The following TENM2 variants were observed in gnomAD, a reference collection of about 807,000 sequenced individuals.
TENM2 encodes the protein teneurin-2.
A neutral mutation model predicts 245.2 loss-of-function variants in TENM2; 52 were observed. That is an observed-to-expected ratio of 0.21 (90% CI 0.17 to 0.27). The LOEUF is 0.27. Among genes scored for constraint, TENM2 ranks in the 10% least tolerant of loss-of-function variants. The probability of loss-of-function intolerance (pLI) is 1.00; values close to 1 mark genes in which losing one functional copy is unlikely to be tolerated. For synonymous variants in TENM2, 1,363 were observed against 1,438.9 expected, an observed-to-expected ratio of 0.95 and a Z score of 1.19; for missense variants, 3,046 against 3,666.8, an observed-to-expected ratio of 0.83 and a Z score of 4.37.
At chr5:167,288,430 G>A (rs991354081) in intron 1 of TENM2, among the ~76,000 whole-genome samples, 1 of 151,934 alleles carries the variant, frequency 6.6e-6, no homozygotes, top group Non-Finnish European at 1.5e-5. Context: ...GCGGTGGCGG[G>A]CGCCTGTAGT....
chr5:168,165,652 C>G lies in TENM2; in HGVS notation c.2569+2895C>G. Among the ~76,000 whole-genome samples, 4 of 23,444 alleles carry G rather than the reference C, an allele frequency of 1.7e-4. 1 individual carries two copies. Among genetic ancestry groups the G allele is most frequent in the Non-Finnish European group, 4.2e-4 (4 of 9,522 alleles). 15.4% of individuals were successfully genotyped at this position (23,444 alleles called of 152,430 possible). ...CAATTCAGGATCCCCCCCCCAACCC[C>G]CCCCCCCCCCCCGGCTGGCAGAGAC... On this transcript the variant is annotated intron_variant, in intron 13 of 28. Transcript: ENST00000518659.
the TENM2 span, among the ~76,000 whole-genome samples, chr5:167,011,657 A>G: frequency 2.0e-5 from 3 of 152,142 alleles, no homozygotes; most frequent in Admixed American, 6.5e-5. Flanking sequence ...GTTTGGGAGT[A>G]CCCCTTGTCC....
chr5:167,043,299 A>G, the TENM2 span, among the ~76,000 whole-genome samples: 343 of 152,338 alleles, frequency 2.3e-3, 2 homozygotes, highest in Admixed American at 5.3e-3. Context: ...AGACTTGTAT[A>G]AAGATAAAAT....
chr5:167,542,587 T>C (rs947401198), intron 2 of TENM2, among the ~76,000 whole-genome samples: 1 of 152,170 alleles, frequency 6.6e-6, no homozygotes, highest in Non-Finnish European at 1.5e-5. Context: ...CCCTGGGTCA[T>C]TGCCAAATAT....
rs10667494 is a variant in TENM2 at position 167,831,485 on chromosome 5, CTTTT to C, written c.503-44483_503-44480del. 7.1e-4 allele frequency among the ~76,000 whole-genome samples: 91 copies of C among 127,764 alleles called. 1 individual carries two copies. In the East Asian group the frequency reaches 0.017, roughly 23 times the overall value. The allele number at this position is 127,764 out of a possible 152,430, so 83.8% of individuals were successfully genotyped here. A position where few individuals can be genotyped will look rare whatever the true frequency, so the allele number is the denominator to read the frequency against. ...AAATCAGCTGCAAAAGAGTTCAGCA[CTTTT>C]TTTTTTTTTTTTTTTTTAAGAATAC... On this transcript the variant is annotated intron_variant, in intron 2 of 28. Transcript: ENST00000518659.
At chr5:167,745,178 G>T (rs1164157264) in intron 2 of TENM2, among the ~76,000 whole-genome samples, 2 of 152,226 alleles carry the variant, frequency 1.3e-5, no homozygotes, top group African/African-American at 4.8e-5. Context: ...GGAATGTGAA[G>T]TACCAAAATT....
intron 13 of TENM2, among the ~76,000 whole-genome samples, chr5:168,184,768 A>G (rs1316946724): frequency 1.3e-5 from 2 of 152,154 alleles, no homozygotes; most frequent in Non-Finnish European, 2.9e-5. Context: ...CTTCCTCCTG[A>G]GTGTAGCTTT....
At position 168,218,245 on chromosome 5, in the gene TENM2, C is replaced by A; in HGVS notation, c.4354C>A (p.Arg1452Ser). The change falls in exon 23 of 29, where the codon CGC becomes AGC. Residue 1452 changes from arginine (R) to serine (S), a missense_variant. Physicochemically the swap from Arg to Ser is moderately radical, Grantham distance 110. This residue lies in a region of TENM2 where 2,704 missense variants were observed against 3,331.9 expected (regional missense o/e 0.81). Coordinates refer to ENST00000518659, the Ensembl canonical transcript of TENM2. This position sits in a 1 kb window ranked among gnomAD's most constrained non-coding sequence, Gnocchi z 5.2. ...CCACCAAGTCAGCATCATTGCGGGA[C>A]GCCCCATGCACTGCCAAGTTCCTGG... The A allele has an allele frequency of 6.2e-7, 1 of 1,613,836 alleles. No homozygotes were observed. The highest frequency in any genetic ancestry group is 8.5e-7 in the Non-Finnish European group (1 of 1,179,864).
the TENM2 span, among the ~76,000 whole-genome samples, chr5:167,239,389 C>G: frequency 6.6e-6 from 1 of 152,224 alleles, no homozygotes; most frequent in African/African-American, 2.4e-5. Flanking sequence ...GCTGTTCTTT[C>G]TATCAAGAAC....
In TENM2 at chr5:168,244,776, C is replaced by A; in HGVS notation, c.5817+60C>A. On this transcript the variant is annotated intron_variant, in intron 26 of 28. Coordinates refer to ENST00000518659, the Ensembl canonical transcript of TENM2. This position sits in a 1 kb window ranked among gnomAD's most constrained non-coding sequence, Gnocchi z 4.9. ...TCTGTTATTTCTGTTATTCCGGCTT[C>A]TTTTTTTTTTTGAGACAGAGACTTG... is the stretch of plus-strand genomic sequence containing the variant. 9.2e-7 allele frequency: 1 copy of A among 1,082,538 alleles called. No homozygotes were observed. The allele number at this position is 1,082,538 out of a possible 1,614,324, so 67.1% of individuals were successfully genotyped here. A position where few individuals can be genotyped will look rare whatever the true frequency, so the allele number is the denominator to read the frequency against.
chr5:167,188,006 A>T, the TENM2 span, among the ~76,000 whole-genome samples: 1 of 152,128 alleles, frequency 6.6e-6, no homozygotes, highest in Non-Finnish European at 1.5e-5. Context: ...ACCAGGTGTT[A>T]GAGCTGATTA....
chr5:167,215,906 T>A, the TENM2 span, among the ~76,000 whole-genome samples: 1 of 152,232 alleles, frequency 6.6e-6, no homozygotes, highest in Non-Finnish European at 1.5e-5. Context: ...GCATTATTGA[T>A]GTAAATTTAC....
At chr5:167,292,593 A>G (rs1344837936) in intron 1 of TENM2, among the ~76,000 whole-genome samples, 4 of 152,228 alleles carry the variant, frequency 2.6e-5, no homozygotes, top group African/African-American at 9.6e-5. Flanking sequence ...TTTTTAAAAC[A>G]CGGCCTTATT....
chr5:168,154,426 C>T (rs549823807), intron 12 of TENM2, among the ~76,000 whole-genome samples: 15 of 152,190 alleles, frequency 9.9e-5, no homozygotes, highest in Middle Eastern at 3.4e-3. Flanking sequence ...GGTTTCACCA[C>T]GTTGGCCAGG....
chr5:167,019,195 G>T, the TENM2 span, among the ~76,000 whole-genome samples: 1 of 151,978 alleles, frequency 6.6e-6, no homozygotes, highest in Admixed American at 6.6e-5. Context: ...ACTTGCAGTT[G>T]GGGGGAGGCT....
At chr5:168,113,454 A>ATT (rs1794838287) in intron 9 of TENM2, among the ~76,000 whole-genome samples, 2 of 152,126 alleles carry the variant, frequency 1.3e-5, no homozygotes, top group South Asian at 4.1e-4. Flanking sequence ...AGATGTAGGC[A>ATT]TTTTCCCTCT....
chr5:168,112,899 T>G (rs550134349), intron 9 of TENM2, among the ~76,000 whole-genome samples: 1 of 152,380 alleles, frequency 6.6e-6, no homozygotes, highest in African/African-American at 2.4e-5. Context: ...CTAACCCATG[T>G]GAGTTACTCA....
At chr5:167,076,715 A>G in the TENM2 span, among the ~76,000 whole-genome samples, 2 of 152,186 alleles carry the variant, frequency 1.3e-5, no homozygotes, top group East Asian at 3.8e-4. Context: ...AAATACTTAA[A>G]TTATTAGCAC....
chr5:168,247,186 G>A lies in TENM2; in HGVS notation c.6247G>A (p.Gly2083Ser). The A allele has an allele frequency of 6.2e-7, 1 of 1,613,938 alleles. No individual in the cohort carries two copies. Among genetic ancestry groups the A allele is most frequent in the South Asian group, 1.1e-5 (1 of 91,080 alleles). ...GCAGATCTACAGGTTCTCCGAGGAA[G>A]GCATGGTCAATGCCAGGTTTGACTA... Residue 2083 changes from glycine (G) to serine (S), a missense_variant, in exon 27 of 29, where the codon GGC becomes AGC. By Grantham distance (56) the Gly-to-Ser change is moderately conservative. This residue lies in a region of TENM2 where 2,704 missense variants were observed against 3,331.9 expected (regional missense o/e 0.81). Transcript: ENST00000518659. The surrounding 1 kb of genome is among the most constrained non-coding windows in gnomAD (Gnocchi z 7.8).
Sources: gnomAD v4.1 joint callset for allele counts (sites outside exome capture counted in the v4.1 genomes callset) on GRCh38, gnomAD v4.1.1 for gene constraint, gnomAD v4.1.1 regional missense constraint, Gnocchi (gnomAD v3.1) non-coding constraint, MANE v1.5 for transcripts, NCBI Gene and HGNC (gene_info 2026-07-23, HGNC 2026-07-21) for gene names.